The following HLF variants were observed in gnomAD, a reference collection of about 807,000 sequenced individuals.
HLF encodes the protein hepatic leukemia factor.
Under a neutral mutation model 22.6 loss-of-function variants are expected in HLF, and 3 were observed. The ratio of observed to expected loss-of-function variants is 0.13; its 90% CI spans 0.06 to 0.34. HLF has a LOEUF of 0.34. Ranked by LOEUF, HLF falls within the 10% of genes least tolerant of loss-of-function variation. HLF has a pLI of 1.00. For synonymous variants in HLF, 151 were observed against 151.8 expected (o/e 0.99, Z 0.04); for missense variants, 299 against 389.2 (o/e 0.77, Z 1.95).
In HLF at chr17:55,320,744, C is replaced by T. The variant is rs780809729; in HGVS notation, c.753C>T (p.Asn251=). ...GCGACGCCCGGAGGCTGAAAGAGAA[C>T]CAGATCGCCATCCGGGCCTCGTTCC... The part of the protein sequence containing the change: ...RSRDARRLKE[N]QIAIRASFLE... Residue 251 remains asparagine, a synonymous_variant, in exon 4 of 4, where the codon AAC becomes AAT. Transcript: ENST00000226067. The surrounding 1 kb of genome is among the most constrained non-coding windows in gnomAD (Gnocchi z 4.2). The T allele has an allele frequency of 2.5e-5, 40 of 1,614,028 alleles. No homozygotes were observed.
At chr17:55,318,282 C>T (rs566171282) in intron 3 of HLF, among the ~76,000 whole-genome samples, 1 of 152,282 alleles carries the variant, frequency 6.6e-6, no homozygotes, top group African/African-American at 2.4e-5. Flanking sequence ...TTTTCTAGTC[C>T]AGGACACTCC....
intron 2 of HLF, among the ~76,000 whole-genome samples, chr17:55,295,749 A>G (rs2081106426): frequency 6.6e-6 from 1 of 152,210 alleles, no homozygotes; most frequent in African/African-American, 2.4e-5. Flanking sequence ...CAAAAGGACA[A>G]ATGCCTCACA....
At chr17:55,312,257 G>C (rs147109670) in intron 2 of HLF, among the ~76,000 whole-genome samples, 7 of 152,228 alleles carry the variant, frequency 4.6e-5, no homozygotes, top group African/African-American at 1.7e-4. Context: ...TTTCCACAGG[G>C]GCTGAACTAA....
chr17:55,293,526 T>G (rs1308607790), intron 2 of HLF, among the ~76,000 whole-genome samples: 3 of 152,228 alleles, frequency 2.0e-5, no homozygotes, highest in African/African-American at 7.2e-5. Context: ...CTTTAGTGCT[T>G]CTTATAGTCT....
At chr17:55,301,449 A>G (rs1244183769) in intron 2 of HLF, among the ~76,000 whole-genome samples, 1 of 152,276 alleles carries the variant, frequency 6.6e-6, no homozygotes, top group East Asian at 1.9e-4. Flanking sequence ...TAAAAATTAT[A>G]GAGTTACTTA....
intron 2 of HLF, among the ~76,000 whole-genome samples, chr17:55,306,805 T>G (rs1461616325): frequency 6.6e-6 from 1 of 152,080 alleles, no homozygotes; most frequent in Non-Finnish European, 1.5e-5. Flanking sequence ...ATACCTTTCT[T>G]TATTCTTTCT....
At chr17:55,277,354 A>G (rs2080915022) in intron 2 of HLF, among the ~76,000 whole-genome samples, 1 of 151,812 alleles carries the variant, frequency 6.6e-6, no homozygotes, top group African/African-American at 2.4e-5. Context: ...AGTGATACAA[A>G]TAGTACCTGA....
intron 2 of HLF, among the ~76,000 whole-genome samples, chr17:55,301,918 A>G (rs548762722): frequency 7.2e-5 from 11 of 152,362 alleles, no homozygotes; most frequent in Admixed American, 5.2e-4. Context: ...CACTCCAAGA[A>G]TAATTTATTG....
chr17:55,265,469 A>C lies in HLF; in HGVS notation c.-16A>C. 1 of 1,475,068 alleles carries C rather than the reference A, an allele frequency of 6.8e-7. No individual in the cohort carries two copies. The highest frequency in any genetic ancestry group is 1.7e-4 in the Middle Eastern group (1 of 5,804). 91.4% of individuals were successfully genotyped at this position (1,475,068 alleles called of 1,614,324 possible). A position where few individuals can be genotyped will look rare whatever the true frequency, so the allele number is the denominator to read the frequency against. On this transcript the variant is annotated 5_prime_UTR_variant, in exon 1 of 4. Coordinates refer to ENST00000226067, the MANE Select transcript of HLF (RefSeq NM_002126.5). ...TTATTTCTTTTTTTAAGGGGAAAAA[A>C]TTTGAGTGCATCGCGATGGAGAAAA...
Position 55,315,234 on chromosome 17 carries a change from G to C in HLF, c.459G>C (p.Leu153=), listed in dbSNP as rs1048154091. 4.3e-6 allele frequency: 7 copies of C among 1,614,036 alleles called. No individual in the cohort carries two copies. Among genetic ancestry groups the C allele is most frequent in the Non-Finnish European group, 5.9e-6 (7 of 1,179,944 alleles). The change falls in exon 3 of 4, where the codon CTG becomes CTC. Residue 153 remains leucine, a synonymous_variant. Coordinates refer to ENST00000226067, the MANE Select transcript of HLF (RefSeq NM_002126.5). ...CMQSPIRPGQ[L]LPANRNTPSP... is the part of the protein sequence containing the mutation. ...ACTCCTGTGTTGTTCCAGGTCAGCTGTTGCCAGCAAACCGCAATACACCAA... is the reference window on the plus strand; with the variant it reads ...ACTCCTGTGTTGTTCCAGGTCAGCTCTTGCCAGCAAACCGCAATACACCAA...
At chr17:55,300,443 T>G (rs970508780) in intron 2 of HLF, among the ~76,000 whole-genome samples, 1 of 152,228 alleles carries the variant, frequency 6.6e-6, no homozygotes, top group Non-Finnish European at 1.5e-5. Context: ...ACATTGCCCT[T>G]CTATAGCCTA....
chr17:55,308,680 C>A (rs996228693), intron 2 of HLF, among the ~76,000 whole-genome samples: 16 of 152,212 alleles, frequency 1.1e-4, no homozygotes, highest in Admixed American at 9.8e-4. Context: ...AAATTTAAAT[C>A]CTGCTATAAT....
intron 1 of HLF, among the ~76,000 whole-genome samples, chr17:55,267,133 A>C (rs1211632525): frequency 6.6e-6 from 1 of 152,194 alleles, no homozygotes; most frequent in African/African-American, 2.4e-5. Flanking sequence ...CAAGTCTCAG[A>C]GCCTCCGAGT....
chr17:55,278,627 T>C (rs551429767), intron 2 of HLF, among the ~76,000 whole-genome samples: 1 of 152,286 alleles, frequency 6.6e-6, no homozygotes, highest in East Asian at 1.9e-4. Context: ...ATCATCTAGA[T>C]ATGCAGTAAT....
chr17:55,285,965 C>T (rs2081000387), intron 2 of HLF, among the ~76,000 whole-genome samples: 1 of 152,174 alleles, frequency 6.6e-6, no homozygotes, highest in Non-Finnish European at 1.5e-5. Context: ...GAGAGAAGCC[C>T]CTTCCTTCCT....
At chr17:55,303,472 G>A (rs1904394084) in intron 2 of HLF, among the ~76,000 whole-genome samples, 1 of 152,224 alleles carries the variant, frequency 6.6e-6, no homozygotes, top group South Asian at 2.1e-4. Flanking sequence ...GGGATGGAGT[G>A]AGAAGCATGG....
rs150420305 is a variant in HLF, at chr17:55,306,632, G to A, written c.452-8595G>A. ...TTGCCTTAAAATTAGTACATCAACC[G>A]TGTAATGTGCAGGACATTTAAAATA... On this transcript the variant is annotated intron_variant, in intron 2 of 3. Transcript: ENST00000226067. 1.6e-4 allele frequency among the ~76,000 whole-genome samples: 24 copies of A among 151,616 alleles called. No individual in the cohort carries two copies. In the East Asian group the frequency reaches 3.1e-3, roughly 20 times the overall value.
chr17:55,272,550 G>A (rs1326337493), intron 2 of HLF: 1 of 152,348 alleles, frequency 6.6e-6, no homozygotes, highest in Middle Eastern at 3.4e-3. Context: ...GGTTGTGTGT[G>A]GGAAAAGGAT....
chr17:55,285,372 G>A (rs1015620164), intron 2 of HLF, among the ~76,000 whole-genome samples: 8 of 152,102 alleles, frequency 5.3e-5, no homozygotes, highest in African/African-American at 1.9e-4. Flanking sequence ...TGTTTGATGG[G>A]ATTCCATGGA....
Sources: allele counts gnomAD v4.1 joint callset (sites outside exome capture counted in the v4.1 genomes callset), GRCh38; gene constraint gnomAD v4.1.1; non-coding constraint Gnocchi (gnomAD v3.1); transcripts MANE v1.5; gene names NCBI Gene and HGNC (gene_info 2026-07-23, HGNC 2026-07-21).